Variants in SOX6 observed in about 807,000 individuals in gnomAD.
SOX6 encodes the protein transcription factor SOX-6.
SOX6 carries 11 observed loss-of-function variants against 97.8 expected under a neutral mutation model. That is an observed-to-expected ratio of 0.11 (90% CI 0.07 to 0.19). The LOEUF is 0.19. SOX6 is among the 10% of genes least tolerant of loss of function. SOX6 has a pLI of 1.00. For missense variants in SOX6, 810 were observed against 1,039.5 expected, an observed-to-expected ratio of 0.78 and a Z score of 3.04; for synonymous variants, 360 against 371.4, an observed-to-expected ratio of 0.97 and a Z score of 0.35.
chr11:16,352,373 A>G (rs1160728653), intron 1 of SOX6, among the ~76,000 whole-genome samples: 1 of 152,060 alleles, frequency 6.6e-6, no homozygotes, highest in African/African-American at 2.4e-5. Flanking sequence ...AGAAAGTACC[A>G]GGCAGGCACT....
At chr11:16,228,483 A>G (rs1045380631) in intron 4 of SOX6, among the ~76,000 whole-genome samples, 1 of 152,086 alleles carries the variant, frequency 6.6e-6, no homozygotes, top group African/African-American at 2.4e-5. Context: ...TAAGAATATT[A>G]TGAATGGTGG....
At chr11:16,604,521 C>T (rs1427268907) in intron 4 of SOX6, among the ~76,000 whole-genome samples, 10 of 152,188 alleles carry the variant, frequency 6.6e-5, no homozygotes, top group Non-Finnish European at 7.3e-5. Context: ...CGCAGGAGTA[C>T]GCGGCTAGCA....
chr11:16,717,601 C>T (rs1241869004), intron 2 of SOX6, among the ~76,000 whole-genome samples: 1 of 152,044 alleles, frequency 6.6e-6, no homozygotes, highest in South Asian at 2.1e-4. Flanking sequence ...TTGAAACTTA[C>T]TCTTCATGAA....
At chr11:16,191,390 G>A (rs567448235) in intron 4 of SOX6, among the ~76,000 whole-genome samples, 2 of 152,252 alleles carry the variant, frequency 1.3e-5, no homozygotes, top group African/African-American at 4.8e-5. Context: ...GAGCCCAGGA[G>A]TTCAAGACTG....
chr11:16,427,157 T>C (rs1226601781), intron 1 of SOX6, among the ~76,000 whole-genome samples: 1 of 151,686 alleles, frequency 6.6e-6, no homozygotes, highest in Non-Finnish European at 1.5e-5. Flanking sequence ...TTCTGCACAG[T>C]AAAAGAAGCT....
intron 6 of SOX6, among the ~76,000 whole-genome samples, chr11:16,170,224 T>C (rs1396060056): frequency 6.6e-6 from 1 of 152,050 alleles, no homozygotes; most frequent in Non-Finnish European, 1.5e-5. Context: ...ACTCATTCTG[T>C]TAGCAATGTG....
intron 1 of SOX6, among the ~76,000 whole-genome samples, chr11:16,382,992 G>A (rs1857873409): frequency 6.6e-6 from 1 of 151,824 alleles, no homozygotes; most frequent in Non-Finnish European, 1.5e-5. Flanking sequence ...TATACATTGA[G>A]ATTAAATCCT....
intron 2 of SOX6, among the ~76,000 whole-genome samples, chr11:16,334,277 C>G (rs1856394736): frequency 1.3e-5 from 2 of 152,056 alleles, no homozygotes; most frequent in Admixed American, 6.6e-5. Context: ...ACAGATGTAG[C>G]AAAGTACTGG....
At chr11:16,665,740 C>G (rs1393703495) in intron 3 of SOX6, among the ~76,000 whole-genome samples, 3 of 152,172 alleles carry the variant, frequency 2.0e-5, no homozygotes, top group African/African-American at 7.2e-5. Context: ...GGACAAGACC[C>G]AGGGCTGTGC....
chr11:16,676,770 T>C (rs954863135), intron 3 of SOX6, among the ~76,000 whole-genome samples: 2 of 152,172 alleles, frequency 1.3e-5, no homozygotes, highest in African/African-American at 4.8e-5. Flanking sequence ...GTAAATGGGC[T>C]TCGTATATGT....
chr11:16,684,969 G>T (rs1175470516), intron 3 of SOX6, among the ~76,000 whole-genome samples: 1 of 151,974 alleles, frequency 6.6e-6, no homozygotes, highest in Non-Finnish European at 1.5e-5. Context: ...GGGAGCAAGA[G>T]GTGCGTAAGG....
intron 1 of SOX6, among the ~76,000 whole-genome samples, chr11:16,441,449 T>C (rs2133086102): frequency 6.6e-6 from 1 of 152,312 alleles, no homozygotes; most frequent in East Asian, 1.9e-4. Context: ...ATATTGATGC[T>C]TTTGTATTGA....
At chr11:16,474,440 T>G (rs538118278) in intron 1 of SOX6, among the ~76,000 whole-genome samples, 20 of 152,314 alleles carry the variant, frequency 1.3e-4, no homozygotes, top group African/African-American at 4.3e-4. Context: ...ACTTGAAAGT[T>G]GAAATTACTC....
chr11:16,195,208 ATTG>A (rs2134118444), intron 4 of SOX6, among the ~76,000 whole-genome samples: 1 of 152,296 alleles, frequency 6.6e-6, no homozygotes, highest in Non-Finnish European at 1.5e-5. Flanking sequence ...AAAAAGTTAC[ATTG>A]TTATTTTCAT....
At chr11:16,582,436 C>G (rs1438563637) in intron 4 of SOX6, among the ~76,000 whole-genome samples, 1 of 152,074 alleles carries the variant, frequency 6.6e-6, no homozygotes, top group Admixed American at 6.6e-5. Flanking sequence ...ATAGTAGACC[C>G]TGTTTTAATC....
intron 1 of SOX6, among the ~76,000 whole-genome samples, chr11:16,436,455 A>G (rs1859378244): frequency 6.6e-6 from 1 of 151,242 alleles, no homozygotes; most frequent in East Asian, 2.0e-4. Flanking sequence ...ATCATCTATC[A>G]CTCCTTTGCA....
chr11:15,988,222 T>C (rs1295089501), intron 14 of SOX6, among the ~76,000 whole-genome samples: 2 of 152,224 alleles, frequency 1.3e-5, no homozygotes, highest in Admixed American at 1.3e-4. Context: ...TTGACTGTAA[T>C]GCTGCATGTT....
At chr11:16,068,833 T>G (rs1368319123) in intron 9 of SOX6, among the ~76,000 whole-genome samples, 2 of 152,242 alleles carry the variant, frequency 1.3e-5, no homozygotes, top group Non-Finnish European at 2.9e-5. Context: ...CCTTTGACCC[T>G]GTGCAAATTA....
chr11:16,504,258 G>C (rs986194416), intron 4 of SOX6, among the ~76,000 whole-genome samples: 3 of 151,798 alleles, frequency 2.0e-5, no homozygotes, highest in African/African-American at 4.8e-5. Context: ...AATTAGGCAA[G>C]AAAAAGGAAT....
Sources: gnomAD v4.1 joint callset for allele counts (sites outside exome capture counted in the v4.1 genomes callset) on GRCh38, gnomAD v4.1.1 for gene constraint, MANE v1.5 for transcripts, NCBI Gene and HGNC (gene_info 2026-07-23, HGNC 2026-07-21) for gene names.